Variants in CACNA1C observed in about 807,000 individuals in gnomAD.
CACNA1C encodes the protein voltage-dependent L-type calcium channel subunit alpha-1C.
In CACNA1C, 30 loss-of-function variants were observed where a neutral mutation model predicts 229.0. The ratio of observed to expected loss-of-function variants is 0.13; its 90% CI spans 0.10 to 0.18. The LOEUF (loss-of-function observed/expected upper bound fraction) is 0.18. CACNA1C is among the 10% of genes least tolerant of loss of function. CACNA1C has a pLI of 1.00. For synonymous variants in CACNA1C, 1,114 were observed against 1,132.5 expected, an observed-to-expected ratio of 0.98 and a Z score of 0.33; for missense variants, 1,658 against 2,845.0, an observed-to-expected ratio of 0.58 and a Z score of 9.49.
rs113735448 is a variant in CACNA1C, at chr12:2,578,787, G to A, written c.1896-2803G>A. 6.0e-3 allele frequency among the ~76,000 whole-genome samples: 918 copies of A among 152,256 alleles called. 5 individuals carry two copies. Among genetic ancestry groups the A allele is most frequent in the Middle Eastern group, 0.037 (11 of 294 alleles). On this transcript the variant is annotated intron_variant, in intron 13 of 46. Transcript: ENST00000399655. The stretch of plus-strand genomic sequence containing the variant: ...TTGTGCAGCTTGGACTTTCCCAGAC[G>A]CCCCAGGGGTTGAGGGAGGCAGGGG...
chr12:2,561,211 G>A (rs1046549855), intron 11 of CACNA1C, among the ~76,000 whole-genome samples: 4 of 152,294 alleles, frequency 2.6e-5, no homozygotes, highest in South Asian at 4.1e-4. Flanking sequence ...TGTGAGCTCC[G>A]CGGAGAGGCA....
intron 1 of CACNA1C, among the ~76,000 whole-genome samples, chr12:1,979,613 A>G (rs868482048): frequency 6.6e-5 from 10 of 152,348 alleles, no homozygotes; most frequent in African/African-American, 2.2e-4. Context: ...TGCCCAGCCC[A>G]TTTCTCTTAA....
intron 13 of CACNA1C, among the ~76,000 whole-genome samples, chr12:2,572,320 C>CCTCCTT: frequency 7.7e-6 from 1 of 129,872 alleles, no homozygotes; most frequent in East Asian, 2.4e-4. Flanking sequence ...TCCTCCTCCT[C>CCTCCTT]TTCCTCCTCC....
intron 3 of CACNA1C, among the ~76,000 whole-genome samples, chr12:2,440,317 A>G (rs555642500): frequency 2.0e-5 from 3 of 152,150 alleles, no homozygotes; most frequent in South Asian, 4.2e-4. Flanking sequence ...CCCGTAATCT[A>G]CTGTGTGTCT....
intron 3 of CACNA1C, among the ~76,000 whole-genome samples, chr12:2,376,922 C>T (rs998711373): frequency 3.3e-5 from 5 of 152,170 alleles, no homozygotes; most frequent in African/African-American, 4.8e-5. Context: ...CACTAGCTGG[C>T]CAGGAATGGT....
intron 3 of CACNA1C, among the ~76,000 whole-genome samples, chr12:2,272,186 G>T (rs2085353140): frequency 6.6e-6 from 1 of 152,150 alleles, no homozygotes; most frequent in African/African-American, 2.4e-5. Context: ...GTCTGGCTGT[G>T]CCCATTCCTG....
At chr12:2,572,906 TCTC>T (rs1310829372) in intron 13 of CACNA1C, among the ~76,000 whole-genome samples, 6 of 78,118 alleles carry the variant, frequency 7.7e-5, no homozygotes, top group East Asian at 9.2e-4. Flanking sequence ...TCTTCCTCCT[TCTC>T]CTCCTCCTCT....
intron 1 of CACNA1C, among the ~76,000 whole-genome samples, chr12:2,024,077 T>C (rs751649829): frequency 1.3e-5 from 2 of 152,098 alleles, no homozygotes; most frequent in Non-Finnish European, 2.9e-5. Context: ...AATTGACAGA[T>C]GTTGAGCTTG....
chr12:2,219,766 G>A (rs557481477), intron 3 of CACNA1C, among the ~76,000 whole-genome samples: 2 of 152,292 alleles, frequency 1.3e-5, no homozygotes, highest in South Asian at 4.1e-4. Flanking sequence ...AACACTGAGT[G>A]CACCCTTATA....
At chr12:2,222,696 T>C (rs2061786807) in intron 3 of CACNA1C, among the ~76,000 whole-genome samples, 1 of 152,160 alleles carries the variant, frequency 6.6e-6, no homozygotes, top group Admixed American at 6.5e-5. Context: ...TCACGTCTGA[T>C]CCCAAGCCCT....
At chr12:2,238,240 C>T (rs927036384) in intron 3 of CACNA1C, among the ~76,000 whole-genome samples, 2 of 152,148 alleles carry the variant, frequency 1.3e-5, no homozygotes, top group Non-Finnish European at 2.9e-5. Context: ...GGATGTATCT[C>T]CTGTGATGGA....
At position 2,608,811 on chromosome 12, in the gene CACNA1C, C is replaced by A; in HGVS notation, c.3558+99C>A. On this transcript the variant is annotated intron_variant, in intron 27 of 46. Transcript: ENST00000399655. The surrounding 1 kb of genome is among the most constrained non-coding windows in gnomAD (Gnocchi z 4.2). ...GGGGCTGCGACAGGGAGAGGCCGTG[C>A]AGATACTGAGATCGTCTCTCTATTC... The A allele has an allele frequency of 8.6e-7, 1 of 1,165,846 alleles. No individual in the cohort carries two copies. The highest frequency in any genetic ancestry group is 1.2e-6 in the Non-Finnish European group (1 of 807,448). The allele number at this position is 1,165,846 out of a possible 1,614,324, so 72.2% of individuals were successfully genotyped here.
chr12:2,674,409 C>G (rs2153752400), intron 38 of CACNA1C, 132 bp from the exon 39 acceptor site: 1 of 1,309,288 alleles, frequency 7.6e-7, no homozygotes, highest in Non-Finnish European at 1.0e-6. Context: ...AGAAGTGAAG[C>G]AAGCAAGAAA....
At position 2,499,736 on chromosome 12, in the gene CACNA1C, C is replaced by T. The variant is rs79346899; in HGVS notation, c.1114-5106C>T. 9.3e-3 allele frequency among the ~76,000 whole-genome samples: 1,419 copies of T among 152,146 alleles called. 19 individuals carry two copies. The highest frequency in any genetic ancestry group is 0.085 in the East Asian group (436 of 5,156). ...GGAAAGTCAGGAGACCTGAGGAACA[C>T]GGCTTAATGGCTCTAGAAGACCTAT... On this transcript the variant is annotated intron_variant, in intron 7 of 46. Coordinates refer to ENST00000399655, the MANE Select transcript of CACNA1C (RefSeq NM_000719.7).
Position 2,493,084 on chromosome 12 carries a change from C to A in CACNA1C, c.917-106C>A. 1.1e-6 allele frequency: 1 copy of A among 893,998 alleles called. No individual in the cohort carries two copies. The highest frequency in any genetic ancestry group is 1.8e-6 in the Non-Finnish European group (1 of 563,880). 55.4% of individuals were successfully genotyped at this position (893,998 alleles called of 1,614,324 possible). ...GCTGTTGTTGCCATGGTTGCTTTGC[C>A]CATCCCATCAACCTCATCCTGTCAC... On this transcript the variant is annotated intron_variant, in intron 6 of 46. Transcript: ENST00000399655. This position sits in a 1 kb window ranked among gnomAD's most constrained non-coding sequence, Gnocchi z 4.6.
At chr12:2,682,094 T>A (rs1262754532) in intron 42 of CACNA1C, 1 of 1,185,944 alleles carries the variant, frequency 8.4e-7, no homozygotes. Flanking sequence ...AGGGTGCCAG[T>A]GTCAGAATCA....
chr12:2,496,303 A>C (rs1339802774), intron 7 of CACNA1C, among the ~76,000 whole-genome samples: 1 of 152,220 alleles, frequency 6.6e-6, no homozygotes, highest in East Asian at 1.9e-4. Flanking sequence ...GGGGGAAATA[A>C]GGCCTTTCAC....
intron 29 of CACNA1C, among the ~76,000 whole-genome samples, chr12:2,626,530 G>A (rs2086661188): frequency 1.3e-5 from 2 of 152,168 alleles, no homozygotes; most frequent in African/African-American, 2.4e-5. Flanking sequence ...CAGAGTGCAT[G>A]GTGCTGTTCA....
chr12:2,276,441 A>T (rs761071412), intron 3 of CACNA1C, among the ~76,000 whole-genome samples: 1 of 152,264 alleles, frequency 6.6e-6, no homozygotes, highest in Non-Finnish European at 1.5e-5. Context: ...CCCAACACAG[A>T]ACAGAAAAGA....
Sources: gnomAD v4.1 joint callset for allele counts (sites outside exome capture counted in the v4.1 genomes callset) on GRCh38, gnomAD v4.1.1 for gene constraint, Gnocchi (gnomAD v3.1) non-coding constraint, MANE v1.5 for transcripts, NCBI Gene and HGNC (gene_info 2026-07-23, HGNC 2026-07-21) for gene names.